Variants in MYO1A observed in about 807,000 individuals in gnomAD.
The protein encoded by MYO1A is unconventional myosin-Ia.
MYO1A carries 127 observed loss-of-function variants against 138.5 expected under a neutral mutation model. The ratio of observed to expected loss-of-function variants is 0.92; its 90% CI spans 0.79 to 1.06. The LOEUF (loss-of-function observed/expected upper bound fraction) is 1.06. MYO1A is among the 50% of genes least tolerant of loss of function. MYO1A has a pLI of 0.00. For missense variants in MYO1A, 1,211 were observed against 1,288.8 expected, an observed-to-expected ratio of 0.94 and a Z score of 0.92; for synonymous variants, 477 against 497.5, an observed-to-expected ratio of 0.96 and a Z score of 0.55.
At chr12:57,036,189 C>T in intron 22 of MYO1A, 118 bp downstream of exon 22, 4 of 1,009,860 alleles carry the variant, frequency 4.0e-6, no homozygotes, top group South Asian at 1.3e-5. Context: ...GACTTAAGTA[C>T]ATGCAGACTG....
At chr12:57,042,942 T>C (rs974944577) in intron 12 of MYO1A, 130 bp downstream of exon 12, 37 of 835,514 alleles carry the variant, frequency 4.4e-5, no homozygotes, top group Non-Finnish European at 7.0e-5. Flanking sequence ...AACACACTGT[T>C]AGAAGGAACT....
chr12:57,034,658 G>A (rs73114452), intron 22 of MYO1A, among the ~76,000 whole-genome samples: 7 of 150,054 alleles, frequency 4.7e-5, no homozygotes, highest in South Asian at 2.1e-4. Flanking sequence ...CTGGGCGAGA[G>A]AGCAAGATTC....
rs796365958 is a variant in MYO1A at position 57,031,082 on chromosome 12, G to A, written c.2442C>T (p.Ser814=). ...GCTGCTGCAGCTCCTGATTTGCTGT[G>A]CTGAGGCACTTGTAGGGGGCGGCTG... The part of the protein sequence containing the change: ...TWPAAPYKCL[S]TANQELQQLF... The change falls in exon 23 of 28, where the codon AGC becomes AGT. Residue 814 remains serine, a synonymous_variant. Transcript: ENST00000300119. The A allele has an allele frequency of 1.2e-6, 2 of 1,614,104 alleles. No individual in the cohort carries two copies. The highest frequency in any genetic ancestry group is 8.5e-7 in the Non-Finnish European group (1 of 1,180,016).
chr12:57,048,687 G>A (rs747522649), intron 1 of MYO1A, among the ~76,000 whole-genome samples: 35 of 152,152 alleles, frequency 2.3e-4, no homozygotes, highest in Non-Finnish European at 4.6e-4. Context: ...GAGGGCTGAG[G>A]AGGAAAGTGT....
Position 57,039,000 on chromosome 12 carries a change from C to G in MYO1A, c.1342G>C (p.Gly448Arg). Residue 448 changes from glycine to arginine, a missense_variant, in exon 16 of 28, where the codon GGT becomes CGT. Coordinates refer to ENST00000300119, the MANE Select transcript of MYO1A (RefSeq NM_005379.4). ...TCCTCATCCAACATGGCCAGGATAC[C>G]TCGCTGATTCTGGGCCGGGGGAACA... is the stretch of plus-strand genomic sequence containing the variant. ...ICKLIEHNQR[G>R]ILAMLDEECL... 2 of 1,613,554 alleles carry G rather than the reference C, an allele frequency of 1.2e-6. No homozygotes were observed. Among genetic ancestry groups the G allele is most frequent in the Non-Finnish European group, 8.5e-7 (1 of 1,179,680 alleles).
chr12:57,044,186 T>C lies in MYO1A; in HGVS notation c.664A>G (p.Thr222Ala), dbSNP rs749436218. The change falls in exon 9 of 28, where the codon ACA (threonine) becomes GCA (alanine). Residue 222 changes from threonine to alanine, a missense_variant. Coordinates refer to ENST00000300119, the MANE Select transcript of MYO1A (RefSeq NM_005379.4). ...LLKALKLERDTTGYAYLNHEV... is the reference protein window; with the variant it reads ...LLKALKLERDATGYAYLNHEV... The stretch of plus-strand genomic sequence containing the variant: ...TGATTCAGATAGGCATAGCCAGTTG[T>C]ATCCCGCTCAAGCTTCAGGGCCTCT... 6.2e-7 allele frequency: 1 copy of C among 1,614,128 alleles called. No homozygotes were observed. The highest frequency in any genetic ancestry group is 8.5e-7 in the Non-Finnish European group (1 of 1,180,028).
Position 57,037,948 on chromosome 12 carries a change from G to C in MYO1A, c.1882C>G (p.Arg628Gly), listed in dbSNP as rs151187460. The C allele has an allele frequency of 1.1e-3, 1,822 of 1,614,158 alleles. 9 individuals carry two copies. The highest frequency in any genetic ancestry group is 4.3e-3 in the Middle Eastern group (26 of 6,060). ...VRVRRAGYAHRQGYGPFLERY... is the reference protein window; with the variant it reads ...VRVRRAGYAHGQGYGPFLERY... Reference sequence around the variant, plus strand: ...TCCAGGAAGGGCCCATAACCCTGGCGGTGGGCATAGCCTGCCCGTCGCACC... The same window carrying C: ...TCCAGGAAGGGCCCATAACCCTGGCCGTGGGCATAGCCTGCCCGTCGCACC... The change falls in exon 18 of 28, where the codon CGC (arginine) becomes GGC (glycine). Residue 628 changes from arginine to glycine, a missense_variant. Coordinates refer to ENST00000300119, the MANE Select transcript of MYO1A (RefSeq NM_005379.4).
chr12:57,031,296 G>GGA, intron 22 of MYO1A, 122 bp from the exon 23 acceptor site: 1 of 1,245,600 alleles, frequency 8.0e-7, no homozygotes, highest in Non-Finnish European at 1.2e-6. Flanking sequence ...AGCAAGGGGT[G>GGA]GAGCTGAAGA....
Position 57,037,858 on chromosome 12 carries a change from T to A in MYO1A, c.1961+11A>T, listed in dbSNP as rs369815361. On this transcript the variant is annotated intron_variant, in intron 18 of 27. Transcript: ENST00000300119. ...CCTTTCCTGATGCCCAGTCTCCCCATGGGGTCTTACCGGTCTCCCCCATTC... is the reference window on the plus strand; with the variant it reads ...CCTTTCCTGATGCCCAGTCTCCCCAAGGGGTCTTACCGGTCTCCCCCATTC... The A allele has an allele frequency of 1.2e-6, 2 of 1,613,686 alleles. No homozygotes were observed. The highest frequency in any genetic ancestry group is 1.7e-6 in the Non-Finnish European group (2 of 1,179,844).
At chr12:57,048,550 T>C (rs1484180448) in intron 1 of MYO1A, among the ~76,000 whole-genome samples, 3 of 151,930 alleles carry the variant, frequency 2.0e-5, no homozygotes, top group Non-Finnish European at 4.4e-5. Flanking sequence ...GGAGATCCTC[T>C]GCTGCCTGGG....
rs987685390 is a variant in MYO1A at position 57,038,461 on chromosome 12, C to T, written c.1711G>A (p.Val571Met). The T allele has an allele frequency of 3.1e-6, 5 of 1,614,118 alleles. No individual in the cohort carries two copies. In the African/African-American group the frequency reaches 5.3e-5, roughly 17 times the overall value. Residue 571 changes from valine to methionine, a missense_variant, in exon 17 of 28, where the codon GTG becomes ATG. By Grantham distance (21) the Val-to-Met change is conservative. Transcript: ENST00000300119. ...PTAGAQFKSS[V>M]AILMKNLYSK... ...TACAGATTCTTCATGAGGATGGCCA[C>T]AGAACTCTTGAACTGGGCCCCAGCA...
At chr12:57,047,910 G>A (rs551925916) in intron 3 of MYO1A, 79 bp downstream of exon 3, 1,891 of 1,572,680 alleles carry the variant, frequency 1.2e-3, no homozygotes, top group Non-Finnish European at 1.6e-3. Context: ...CCCTTCAGGG[G>A]AAGGGACAAA....
In MYO1A at chr12:57,048,083, T is replaced by A. The variant is rs760598480; in HGVS notation, c.136A>T (p.Ile46Phe). ...EIYTYIGNVV[I>F]SVNPYQQLPI... Reference sequence around the variant, plus strand: ...AGCTGTTGATAGGGATTCACTGAGATCACCACATTCCCAATGTAGGTCTGG... The same window carrying A: ...AGCTGTTGATAGGGATTCACTGAGAACACCACATTCCCAATGTAGGTCTGG... The change falls in exon 3 of 28, where the codon ATC becomes TTC. Residue 46 changes from isoleucine (I) to phenylalanine (F), a missense_variant. Transcript: ENST00000300119. 3.7e-6 allele frequency: 6 copies of A among 1,614,000 alleles called. No individual in the cohort carries two copies. In the East Asian group the frequency reaches 1.3e-4, roughly 36 times the overall value.
At chr12:57,050,686 G>C (rs1024227818), upstream of MYO1A, 5 of 152,144 alleles carry the variant, frequency 3.3e-5, no homozygotes, top group Non-Finnish European at 7.3e-5. Context: ...CTATCATAGA[G>C]ACCCAAAGAT....
At chr12:57,043,778 T>C in intron 10 of MYO1A, 78 bp downstream of exon 10, 1 of 1,593,072 alleles carries the variant, frequency 6.3e-7, no homozygotes, top group Non-Finnish European at 8.6e-7. Context: ...TCAATTATGC[T>C]AGAGATGGTA....
intron 1 of MYO1A, 41 bp from the exon 2 acceptor site, chr12:57,048,384 T>A: frequency 1.7e-6 from 2 of 1,195,858 alleles, no homozygotes; most frequent in South Asian, 2.5e-5. Flanking sequence ...CCACTCAGCT[T>A]TAGGGGCCAG....
chr12:57,037,569 G>T lies in MYO1A; in HGVS notation c.2034C>A (p.Ile678=), dbSNP rs2030618316. ...SGELAFGKTK[I]FIRSPKTLFY... ...TCACAGTCTTGGGGCTTCTAATGAA[G>T]ATCTTTGTCTTGCCAAAGGCCAGCT... The change falls in exon 19 of 28, where the codon ATC becomes ATA. Residue 678 remains isoleucine, a synonymous_variant. Coordinates refer to ENST00000300119, the MANE Select transcript of MYO1A (RefSeq NM_005379.4). 6.2e-7 allele frequency: 1 copy of T among 1,613,950 alleles called. No homozygotes were observed. Among genetic ancestry groups the T allele is most frequent in the Non-Finnish European group, 8.5e-7 (1 of 1,180,028 alleles).
At position 57,029,413 on chromosome 12, in the gene MYO1A, T is replaced by C. The variant is rs56128678; in HGVS notation, c.2877+22A>G. On this transcript the variant is annotated intron_variant, in intron 26 of 27. Coordinates refer to ENST00000300119, the MANE Select transcript of MYO1A (RefSeq NM_005379.4). ...CATACCACCTTCTCCAGTCCAAGGC[T>C]TGCCCCACCCAGCTCTGATACCTCA... is the stretch of plus-strand genomic sequence containing the variant. 0.087 allele frequency: 140,769 copies of C among 1,613,792 alleles called. 6,481 individuals carry two copies. The highest frequency in any genetic ancestry group is 0.14 in the East Asian group (6,460 of 44,848).
chr12:57,041,344 G>T lies in MYO1A; in HGVS notation c.1165-56C>A, dbSNP rs1000121527. On this transcript the variant is annotated intron_variant, in intron 13 of 27. Coordinates refer to ENST00000300119, the MANE Select transcript of MYO1A (RefSeq NM_005379.4). ...ACTCCAAGACTGTTTCTCCGTCTCA[G>T]TCCTACCTCCCCTCCCTCACATCCC... The T allele has an allele frequency of 2.5e-6, 4 of 1,593,630 alleles. No individual in the cohort carries two copies. The African/African-American group carries it at 5.4e-5, about 21-fold the overall frequency.
Sources: allele counts gnomAD v4.1 joint callset (sites outside exome capture counted in the v4.1 genomes callset), GRCh38; gene constraint gnomAD v4.1.1; transcripts MANE v1.5; gene names NCBI Gene and HGNC (gene_info 2026-07-23, HGNC 2026-07-21).